EXOC6B: variants seen among roughly 807,000 people sequenced by gnomAD.
The protein encoded by EXOC6B is exocyst complex component 6B.
A neutral mutation model predicts 113.5 loss-of-function variants in EXOC6B; 54 were observed. The observed-to-expected ratio is 0.48, with a 90% CI of 0.38 to 0.60. The LOEUF (loss-of-function observed/expected upper bound fraction) is 0.60, where lower values mean the gene tolerates loss of function less well. Ranked by LOEUF, EXOC6B falls within the 20% of genes least tolerant of loss-of-function variation. The probability of loss-of-function intolerance (pLI) is 0.00; values close to 1 mark genes in which losing one functional copy is unlikely to be tolerated. For synonymous variants in EXOC6B, 357 were observed against 339.0 expected, an observed-to-expected ratio of 1.05 and a Z score of -0.58; for missense variants, 797 against 977.5, an observed-to-expected ratio of 0.82 and a Z score of 2.46.
At chr2:72,754,286 G>A (rs553385458) in intron 1 of EXOC6B, among the ~76,000 whole-genome samples, 2 of 152,228 alleles carry the variant, frequency 1.3e-5, no homozygotes, top group African/African-American at 4.8e-5. Flanking sequence ...ATACTCTGGA[G>A]GAATTTATAC....
chr2:72,251,336 A>G lies in EXOC6B; in HGVS notation c.2197-67149T>C, dbSNP rs529333324. The stretch of plus-strand genomic sequence containing the variant: ...TTCCACCACATTATAATGATCTAAA[A>G]GAATATTTAACTTAAATGCCTTATC... On this transcript the variant is annotated intron_variant, in intron 20 of 21. Transcript: ENST00000272427. Among the ~76,000 whole-genome samples the G allele has an allele frequency of 1.7e-4, 26 of 152,336 alleles. 1 individual carries two copies. In the South Asian group the frequency reaches 4.8e-3, roughly 28 times the overall value.
chr2:72,495,345 G>A, intron 15 of EXOC6B, 85 bp downstream of exon 15: 1 of 688,790 alleles, frequency 1.5e-6, no homozygotes, highest in African/African-American at 1.9e-5. Context: ...AGGGCTGACG[G>A]GACTATCAAA....
intron 21 of EXOC6B, among the ~76,000 whole-genome samples, chr2:72,181,011 C>T (rs1192210672): frequency 6.6e-6 from 1 of 151,998 alleles, no homozygotes; most frequent in African/African-American, 2.4e-5. Context: ...AGATCAAGAC[C>T]ATCCTGACTA....
intron 6 of EXOC6B, among the ~76,000 whole-genome samples, chr2:72,607,716 T>A (rs1189156979): frequency 6.6e-6 from 1 of 152,142 alleles, no homozygotes; most frequent in Non-Finnish European, 1.5e-5. Context: ...ATAATTCTTG[T>A]AAGTTAAGCA....
chr2:72,821,768 G>A (rs577977689), intron 1 of EXOC6B, among the ~76,000 whole-genome samples: 19 of 152,216 alleles, frequency 1.2e-4, no homozygotes, highest in South Asian at 4.2e-4. Context: ...AACCCATGAA[G>A]AAAAGTAGTG....
intron 1 of EXOC6B, among the ~76,000 whole-genome samples, chr2:72,771,231 C>A (rs983232448): frequency 9.2e-5 from 14 of 152,114 alleles, no homozygotes; most frequent in Admixed American, 1.3e-4. Flanking sequence ...TCATTATATT[C>A]TTTATAATTG....
Position 72,605,027 on chromosome 2 carries a change from C to T in EXOC6B, c.670-29359G>A, listed in dbSNP as rs563774013. Among the ~76,000 whole-genome samples, 7 of 152,248 alleles carry T rather than the reference C, an allele frequency of 4.6e-5. No homozygotes were observed. The South Asian group carries it at 1.5e-3, about 32-fold the overall frequency. On this transcript the variant is annotated intron_variant, in intron 6 of 21. Coordinates refer to ENST00000272427, the MANE Select transcript of EXOC6B (RefSeq NM_015189.3). ...TCTCCAACTTGGCCAGGCACAGTGG[C>T]TCACGCCTGTAATCCCAGCACTTTG...
intron 6 of EXOC6B, among the ~76,000 whole-genome samples, chr2:72,665,389 G>T (rs998227885): frequency 6.6e-6 from 1 of 152,066 alleles, no homozygotes; most frequent in African/African-American, 2.4e-5. Context: ...CATGCCCAAG[G>T]CACAGTCATC....
chr2:72,801,572 T>C (rs1294730001), intron 1 of EXOC6B, among the ~76,000 whole-genome samples: 1 of 152,178 alleles, frequency 6.6e-6, no homozygotes, highest in Non-Finnish European at 1.5e-5. Context: ...ATAAAACTTA[T>C]GAAGGATAAA....
chr2:72,298,395 G>GAATAC (rs1686283854), intron 20 of EXOC6B, among the ~76,000 whole-genome samples: 1 of 152,028 alleles, frequency 6.6e-6, no homozygotes, highest in Non-Finnish European at 1.5e-5. Context: ...ACATGAGATG[G>GAATAC]ATCTCCTGAA....
At chr2:72,644,478 C>A (rs1428595023) in intron 6 of EXOC6B, among the ~76,000 whole-genome samples, 1 of 152,074 alleles carries the variant, frequency 6.6e-6, no homozygotes, top group Non-Finnish European at 1.5e-5. Context: ...CCCCAAGACA[C>A]ATAATTGTCA....
intron 18 of EXOC6B, among the ~76,000 whole-genome samples, chr2:72,382,046 A>T (rs1388147612): frequency 6.6e-6 from 1 of 152,166 alleles, no homozygotes; most frequent in African/African-American, 2.4e-5. Context: ...TGCATGATTT[A>T]AAACAACAAA....
intron 20 of EXOC6B, among the ~76,000 whole-genome samples, chr2:72,236,201 T>C (rs1056643447): frequency 2.0e-5 from 3 of 152,224 alleles, no homozygotes; most frequent in African/African-American, 7.2e-5. Context: ...ATCCCTTCAG[T>C]AACAGTGGTT....
intron 8 of EXOC6B, among the ~76,000 whole-genome samples, chr2:72,530,673 A>C (rs1392241781): frequency 6.6e-6 from 1 of 152,114 alleles, no homozygotes; most frequent in Non-Finnish European, 1.5e-5. Flanking sequence ...AGGAGTTTTG[A>C]AGTCTTCAAC....
chr2:72,738,435 C>G (rs1398569820), intron 2 of EXOC6B, among the ~76,000 whole-genome samples: 1 of 152,142 alleles, frequency 6.6e-6, no homozygotes, highest in Non-Finnish European at 1.5e-5. Flanking sequence ...TAGTTTTAGT[C>G]TTCCTCATTT....
chr2:72,646,718 G>A (rs1673746575), intron 6 of EXOC6B, among the ~76,000 whole-genome samples: 1 of 152,134 alleles, frequency 6.6e-6, no homozygotes, highest in Non-Finnish European at 1.5e-5. Flanking sequence ...TATCTCAATA[G>A]ATGCAGAAAA....
chr2:72,439,769 G>A (rs1696086813), intron 18 of EXOC6B, among the ~76,000 whole-genome samples: 1 of 152,190 alleles, frequency 6.6e-6, no homozygotes. Context: ...TGCTGGAGAG[G>A]TGATACAGTC....
chr2:72,264,383 C>T (rs1335985024), intron 20 of EXOC6B, among the ~76,000 whole-genome samples: 1 of 152,070 alleles, frequency 6.6e-6, no homozygotes, highest in African/African-American at 2.4e-5. Context: ...CTAGCCTGGC[C>T]AGCATGGTGA....
At chr2:72,246,540 C>T (rs957861703) in intron 20 of EXOC6B, among the ~76,000 whole-genome samples, 2 of 141,174 alleles carry the variant, frequency 1.4e-5, no homozygotes, top group African/African-American at 2.8e-5. Context: ...CTGGGTCTTG[C>T]GCTGTTGCCC....
Sources: gnomAD v4.1 joint callset for allele counts (sites outside exome capture counted in the v4.1 genomes callset) on GRCh38, gnomAD v4.1.1 for gene constraint, MANE v1.5 for transcripts, NCBI Gene and HGNC (gene_info 2026-07-23, HGNC 2026-07-21) for gene names.